Variants in CSGALNACT2 observed in about 807,000 individuals in gnomAD.
The protein encoded by CSGALNACT2 is beta 4 GalNAcT-2.
In CSGALNACT2, 35 loss-of-function variants were observed where a neutral mutation model predicts 55.3. The ratio of observed to expected loss-of-function variants is 0.63; its 90% confidence interval spans 0.48 to 0.84. The LOEUF is 0.84. Ranked by LOEUF, CSGALNACT2 falls within the 40% of genes least tolerant of loss-of-function variation. The probability of loss-of-function intolerance (pLI) is 0.00; values close to 1 mark genes in which losing one functional copy is unlikely to be tolerated. For missense variants in CSGALNACT2, 544 were observed against 657.5 expected (o/e 0.83, Z 1.89); for synonymous variants, 196 against 224.9 (o/e 0.87, Z 1.15).
chr10:43,171,216 C>G (rs1356466498), intron 6 of CSGALNACT2, among the ~76,000 whole-genome samples: 1 of 152,108 alleles, frequency 6.6e-6, no homozygotes, highest in Non-Finnish European at 1.5e-5. Flanking sequence ...CAGGAACTCT[C>G]TTTACTGTTT....
chr10:43,158,923 G>A lies in CSGALNACT2; in HGVS notation c.870G>A (p.Gln290=), dbSNP rs1264639426. 6.3e-6 allele frequency: 10 copies of A among 1,593,642 alleles called. No homozygotes were observed. In the South Asian group the frequency reaches 1.1e-4, roughly 18 times the overall value. The change falls in exon 3 of 8, where the codon CAG becomes CAA. Residue 290 remains glutamine (Q), a synonymous_variant. Coordinates refer to ENST00000374466, the MANE Select transcript of CSGALNACT2 (RefSeq NM_018590.5). ...CTGAAGCATTTGTACAATTTATGCA[G>A]AACTTCAGGTAACTGTCAGGGCTTA... ...ERTEAFVQFM[Q]NFRDVCIHQD...
chr10:43,153,242 G>A (rs1838917580), intron 1 of CSGALNACT2, among the ~76,000 whole-genome samples: 1 of 151,180 alleles, frequency 6.6e-6, no homozygotes. Flanking sequence ...GGCTGAGGCA[G>A]GAGAATAGCG....
In CSGALNACT2 at chr10:43,155,608, A is replaced by G. The variant is rs370010974; in HGVS notation, c.459A>G (p.Leu153=). The G allele has an allele frequency of 6.2e-7, 1 of 1,614,056 alleles. No homozygotes were observed. The highest frequency in any genetic ancestry group is 1.3e-5 in the African/African-American group (1 of 74,918). The change falls in exon 2 of 8, where the codon TTA becomes TTG. Residue 153 remains leucine, a synonymous_variant. Coordinates refer to ENST00000374466, the MANE Select transcript of CSGALNACT2 (RefSeq NM_018590.5). ...YGVIPFESFT[L]MKVFQLEMGL... is the part of the protein sequence containing the mutation. ...TCATTCCCTTTGAAAGTTTTACCTTAATGAAAGTATTTCAATTGGAAATGG... is the reference window on the plus strand; with the variant it reads ...TCATTCCCTTTGAAAGTTTTACCTTGATGAAAGTATTTCAATTGGAAATGG...
chr10:43,149,608 G>A (rs1338133819), intron 1 of CSGALNACT2, among the ~76,000 whole-genome samples: 1 of 152,078 alleles, frequency 6.6e-6, no homozygotes, highest in East Asian at 1.9e-4. Flanking sequence ...CTAGTATTTT[G>A]TTGAGGATTT....
Position 43,183,571 on chromosome 10 carries a change from C to T in CSGALNACT2, c.*29C>T. ...CATAATTAATGCGTTACTGTATGAA[C>T]CACAAAACAGCACTATTTATTTAGC... is the stretch of plus-strand genomic sequence containing the variant. On this transcript the variant is annotated 3_prime_UTR_variant, in exon 8 of 8. Transcript: ENST00000374466. 8 of 1,581,822 alleles carry T rather than the reference C, an allele frequency of 5.1e-6. No homozygotes were observed. Among genetic ancestry groups the T allele is most frequent in the Non-Finnish European group, 6.9e-6 (8 of 1,151,970 alleles).
At chr10:43,172,322 AAAG>A (rs10605339) in intron 6 of CSGALNACT2, among the ~76,000 whole-genome samples, 27,650 of 152,162 alleles carry the variant, frequency 0.18, 2,691 homozygotes, top group Admixed American at 0.25. Flanking sequence ...GTAAAGCTAA[AAAG>A]CGGGAAATAG....
intron 4 of CSGALNACT2, chr10:43,162,907 C>T: frequency 1.0e-6 from 1 of 985,442 alleles, no homozygotes; most frequent in East Asian, 1.1e-4. Context: ...TGCTGATTCT[C>T]TTTGCCTTTA....
Position 43,183,238 on chromosome 10 carries a change from T to G in CSGALNACT2, c.1337-12T>G, listed in dbSNP as rs1353931657. ...TAGGCAGTTATTTATAGTGTCAATT[T>G]TGATCTTACAGGTGGATTTGACATG... On this transcript the variant is annotated splice_polypyrimidine_tract_variant and intron_variant, in intron 7 of 7. Transcript: ENST00000374466. 1 of 1,605,042 alleles carries G rather than the reference T, an allele frequency of 6.2e-7. No individual in the cohort carries two copies. The highest frequency in any genetic ancestry group is 8.5e-7 in the Non-Finnish European group (1 of 1,171,800).
At chr10:43,139,025 G>T (rs1412588282) in intron 1 of CSGALNACT2, among the ~76,000 whole-genome samples, 1 of 152,164 alleles carries the variant, frequency 6.6e-6, no homozygotes. Flanking sequence ...CCTTAAAAAT[G>T]ACTCTACCCT....
chr10:43,150,007 C>T (rs1444689534), intron 1 of CSGALNACT2, among the ~76,000 whole-genome samples: 7 of 152,200 alleles, frequency 4.6e-5, no homozygotes, highest in Middle Eastern at 3.4e-3. Context: ...GCGGAGGTTG[C>T]GGTGAGCTGA....
At chr10:43,163,344 G>A (rs1313164328) in intron 4 of CSGALNACT2, 1 of 660,512 alleles carries the variant, frequency 1.5e-6, no homozygotes, top group East Asian at 1.4e-4. Context: ...CACAGAGTGG[G>A]AGAGACACTG....
In CSGALNACT2 at chr10:43,166,990, A is replaced by G. The variant is rs774272878; in HGVS notation, c.1160-14A>G. On this transcript the variant is annotated splice_polypyrimidine_tract_variant and intron_variant, in intron 5 of 7. Transcript: ENST00000374466. ...ACTTCTTTTTATGTTACAAACCTAT[A>G]TTTTAATTTGTAGGTAAGAAGGTGT... is the stretch of plus-strand genomic sequence containing the variant. 2.6e-6 allele frequency: 4 copies of G among 1,526,510 alleles called. No individual in the cohort carries two copies. In the South Asian group the frequency reaches 3.4e-5, roughly 13 times the overall value. The allele number at this position is 1,526,510 out of a possible 1,614,324, so 94.6% of individuals were successfully genotyped here. A position where few individuals can be genotyped will look rare whatever the true frequency, so the allele number is the denominator to read the frequency against.
chr10:43,162,192 T>C (rs2133126116), intron 4 of CSGALNACT2: 1 of 519,274 alleles, frequency 1.9e-6, no homozygotes, highest in East Asian at 5.4e-5. Context: ...TTCATTCTCC[T>C]GTTGCAGATT....
rs1564512428 is a variant in CSGALNACT2 at position 43,155,134 on chromosome 10, A to G, written c.-16A>G. The G allele has an allele frequency of 1.9e-6, 3 of 1,598,590 alleles. No homozygotes were observed. The highest frequency in any genetic ancestry group is 2.6e-6 in the Non-Finnish European group (3 of 1,168,138). ...ACAAAGAGCTTATTTTGTTAGGCAA[A>G]TACACATTAATAAGAATGCCTAGAA... is the stretch of plus-strand genomic sequence containing the variant. On this transcript the variant is annotated 5_prime_UTR_variant, in exon 2 of 8. Coordinates refer to ENST00000374466, the MANE Select transcript of CSGALNACT2 (RefSeq NM_018590.5).
At chr10:43,142,373 G>A (rs374561138) in intron 1 of CSGALNACT2, among the ~76,000 whole-genome samples, 7 of 152,044 alleles carry the variant, frequency 4.6e-5, no homozygotes, top group East Asian at 1.9e-4. Context: ...CACCATGCCC[G>A]GCTAATTTTT....
intron 1 of CSGALNACT2, among the ~76,000 whole-genome samples, chr10:43,146,616 G>A (rs1311767748): frequency 6.6e-6 from 1 of 152,130 alleles, no homozygotes; most frequent in Non-Finnish European, 1.5e-5. Flanking sequence ...TGTAGCCCCA[G>A]ATACTCGGGA....
intron 4 of CSGALNACT2, among the ~76,000 whole-genome samples, chr10:43,160,827 A>G (rs2133123677): frequency 6.6e-6 from 1 of 152,104 alleles, no homozygotes; most frequent in Middle Eastern, 3.4e-3. Flanking sequence ...TGGCCCACTC[A>G]CCTTCTGTGT....
At chr10:43,175,532 A>G (rs1422698327) in intron 6 of CSGALNACT2, among the ~76,000 whole-genome samples, 2 of 152,188 alleles carry the variant, frequency 1.3e-5, no homozygotes, top group African/African-American at 4.8e-5. Flanking sequence ...TACTGGTGAC[A>G]GCAGCTTCCC....
chr10:43,155,419 T>C lies in CSGALNACT2; in HGVS notation c.270T>C (p.Ser90=). The C allele has an allele frequency of 6.2e-7, 1 of 1,613,962 alleles. No homozygotes were observed. The highest frequency in any genetic ancestry group is 8.5e-7 in the Non-Finnish European group (1 of 1,180,008). The change falls in exon 2 of 8, where the codon AGT becomes AGC. Residue 90 remains serine, a synonymous_variant. Transcript: ENST00000374466. ...AQLKQELQEM[S]EKMRSLQERR... is the part of the protein sequence containing the mutation. ...TAAAACAAGAATTACAAGAAATGAG[T>C]GAGAAGATGCGGTCACTGCAAGAAA...
Sources: allele counts gnomAD v4.1 joint callset (sites outside exome capture counted in the v4.1 genomes callset), GRCh38; gene constraint gnomAD v4.1.1; transcripts MANE v1.5; gene names NCBI Gene and HGNC (gene_info 2026-07-23, HGNC 2026-07-21).